Variants in PJA2 observed in about 807,000 individuals in gnomAD.
PJA2 encodes the protein praja ring finger ubiquitin ligase 2, also known as E3 ubiquitin-protein ligase Praja-2.
PJA2 carries 25 observed loss-of-function variants against 69.3 expected under a neutral mutation model. The ratio of observed to expected loss-of-function variants is 0.36; its 90% CI spans 0.26 to 0.50. The LOEUF (loss-of-function observed/expected upper bound fraction) is 0.50. PJA2 is among the 20% of genes least tolerant of loss of function. The pLI, the probability that PJA2 is intolerant of heterozygous loss-of-function variation, is 0.96. For synonymous variants in PJA2, 308 were observed against 277.8 expected (o/e 1.11, Z -1.08); for missense variants, 809 against 830.2 (o/e 0.97, Z 0.31).
intron 2 of PJA2, among the ~76,000 whole-genome samples, chr5:109,383,143 C>T (rs1215332502): frequency 6.6e-6 from 1 of 152,134 alleles, no homozygotes; most frequent in African/African-American, 2.4e-5. Context: ...ATGCCCTTAA[C>T]AATTCTACCA....
At chr5:109,374,243 A>G (rs1215718862) in intron 4 of PJA2, among the ~76,000 whole-genome samples, 1 of 152,192 alleles carries the variant, frequency 6.6e-6, no homozygotes, top group African/African-American at 2.4e-5. Context: ...ACTCCCTAGC[A>G]TATCTGCAGA....
chr5:109,370,934 C>G (rs11950361), intron 4 of PJA2, among the ~76,000 whole-genome samples: 21,335 of 152,062 alleles, frequency 0.14, 2,455 homozygotes, highest in East Asian at 0.35. Context: ...TCAAATAACT[C>G]ATGGAATATC....
At chr5:109,363,053 AT>A (rs1379531291) in intron 5 of PJA2, 31 bp from the exon 6 acceptor site, 1 of 1,527,164 alleles carries the variant, frequency 6.5e-7, no homozygotes. Context: ...GAAGAAAAAA[AT>A]ATTATTTTAA....
chr5:109,341,868 G>T (rs1762070738), intron 9 of PJA2, among the ~76,000 whole-genome samples: 1 of 116,180 alleles, frequency 8.6e-6, no homozygotes, highest in South Asian at 3.5e-4. Context: ...CGTCCGGGAG[G>T]GAGGTGGGGG....
intron 6 of PJA2, among the ~76,000 whole-genome samples, chr5:109,358,200 AG>A (rs1280752075): frequency 2.0e-5 from 3 of 152,222 alleles, no homozygotes; most frequent in African/African-American, 7.2e-5. Flanking sequence ...AATGAGGGCA[AG>A]GAACACCTGG....
intron 7 of PJA2, among the ~76,000 whole-genome samples, chr5:109,353,921 G>A (rs368964833): frequency 0.027 from 1,108 of 40,794 alleles, 42 homozygotes; most frequent in Middle Eastern, 0.18. Context: ...TAGATTAGAT[G>A]TCTATGATAT....
At chr5:109,360,307 A>G (rs1176504066) in intron 6 of PJA2, among the ~76,000 whole-genome samples, 1 of 152,208 alleles carries the variant, frequency 6.6e-6, no homozygotes, top group African/African-American at 2.4e-5. Flanking sequence ...GTCACTTCCT[A>G]CCACACCAAG....
At chr5:109,339,481 T>C (rs1397214761) in intron 9 of PJA2, among the ~76,000 whole-genome samples, 2 of 152,032 alleles carry the variant, frequency 1.3e-5, no homozygotes, top group East Asian at 3.8e-4. Flanking sequence ...CTAAAGGAAG[T>C]AAGGAAATAA....
Position 109,378,960 on chromosome 5 carries a change from T to C in PJA2, c.527A>G (p.Glu176Gly), listed in dbSNP as rs35224970. The C allele has an allele frequency of 3.2e-3, 5,121 of 1,614,156 alleles. 129 individuals are homozygous for C. The African/African-American group carries it at 0.06, about 19-fold the overall frequency. ...DSYDPDGKHG[E>G]DNDHLQLSAE... The stretch of plus-strand genomic sequence containing the variant: ...AGAAAGTTGAAGATGGTCATTATCT[T>C]CTCCATGTTTGCCATCTGGATCATA... The change falls in exon 4 of 10, where the codon GAA (glutamate) becomes GGA (glycine). Residue 176 changes from glutamate (E) to glycine (G), a missense_variant. Coordinates refer to ENST00000361189, the MANE Select transcript of PJA2 (RefSeq NM_014819.5).
intron 6 of PJA2, among the ~76,000 whole-genome samples, chr5:109,362,005 TATAA>T (rs1342165569): frequency 6.6e-6 from 1 of 152,242 alleles, no homozygotes; most frequent in Non-Finnish European, 1.5e-5. Flanking sequence ...TATCAGGAGA[TATAA>T]ATGAGTTTTT....
At chr5:109,378,069 G>A (rs1336149615) in intron 4 of PJA2, 135 bp downstream of exon 4, 9 of 654,872 alleles carry the variant, frequency 1.4e-5, no homozygotes, top group Non-Finnish European at 2.0e-5. Flanking sequence ...TTAGCATTCA[G>A]TAAATAAAAA....
chr5:109,377,489 G>A (rs1279066939), intron 4 of PJA2, among the ~76,000 whole-genome samples: 1 of 152,110 alleles, frequency 6.6e-6, no homozygotes, highest in Non-Finnish European at 1.5e-5. Flanking sequence ...GGGTTTGTAA[G>A]AGCAATCAGA....
chr5:109,386,622 C>G (rs1279870910), intron 1 of PJA2, among the ~76,000 whole-genome samples: 1 of 152,024 alleles, frequency 6.6e-6, no homozygotes, highest in East Asian at 1.9e-4. Flanking sequence ...GTTAAGTACC[C>G]TACTTTGAAT....
intron 1 of PJA2, among the ~76,000 whole-genome samples, chr5:109,394,037 C>CTTTTTTTTTTTTTTTTTTTTTTT (rs1747346474): frequency 8.9e-6 from 1 of 112,136 alleles, no homozygotes; most frequent in African/African-American, 3.4e-5. Flanking sequence ...CATTCTAATT[C>CTTTTTTTTTTTTTTTTTTTTTTT]TCTTTTTTTT....
chr5:109,342,745 G>C (rs1762099167), intron 9 of PJA2, among the ~76,000 whole-genome samples: 1 of 133,362 alleles, frequency 7.5e-6, no homozygotes, highest in Non-Finnish European at 1.6e-5. Flanking sequence ...CCGTCCGGGA[G>C]GTGAGGGGCG....
intron 9 of PJA2, among the ~76,000 whole-genome samples, chr5:109,342,035 G>A (rs1208335103): frequency 3.1e-4 from 41 of 134,058 alleles, no homozygotes; most frequent in East Asian, 1.8e-3. Context: ...CAGCCGCCCC[G>A]TCCGGGAGGG....
chr5:109,365,554 A>G (rs1234926213), intron 5 of PJA2, among the ~76,000 whole-genome samples: 1 of 149,450 alleles, frequency 6.7e-6, no homozygotes, highest in African/African-American at 2.5e-5. Context: ...CATACTGTCT[A>G]AACTCACTTT....
At chr5:109,359,096 A>G (rs1353188068) in intron 6 of PJA2, among the ~76,000 whole-genome samples, 2 of 152,170 alleles carry the variant, frequency 1.3e-5, no homozygotes, top group African/African-American at 2.4e-5. Context: ...TTACTACTCA[A>G]TATGAAGACA....
chr5:109,344,333 G>C (rs766351378), intron 8 of PJA2, 22 bp from the exon 9 acceptor site: 1 of 1,579,318 alleles, frequency 6.3e-7, no homozygotes, highest in Non-Finnish European at 8.6e-7. Flanking sequence ...AAATAATTCA[G>C]GTCAATCACA....
Sources: gnomAD v4.1 joint callset for allele counts (sites outside exome capture counted in the v4.1 genomes callset) on GRCh38, gnomAD v4.1.1 for gene constraint, MANE v1.5 for transcripts, NCBI Gene and HGNC (gene_info 2026-07-23, HGNC 2026-07-21) for gene names.